Variants in CNTN4 observed in about 807,000 individuals in gnomAD.
The protein encoded by CNTN4 is contactin-4.
CNTN4 carries 77 observed loss-of-function variants against 122.5 expected under a neutral mutation model. That is an observed-to-expected ratio of 0.63 (90% CI 0.52 to 0.76). CNTN4 has a LOEUF of 0.76. CNTN4 is among the 30% of genes least tolerant of loss of function. CNTN4 has a pLI of 0.00. For synonymous variants in CNTN4, 512 were observed against 447.0 expected, an observed-to-expected ratio of 1.15 and a Z score of -1.83; for missense variants, 1,256 against 1,259.1, an observed-to-expected ratio of 1.00 and a Z score of 0.04.
At chr3:2,147,092 G>T (rs1209320093) in intron 2 of CNTN4, among the ~76,000 whole-genome samples, 2 of 152,040 alleles carry the variant, frequency 1.3e-5, no homozygotes, top group Non-Finnish European at 2.9e-5. Flanking sequence ...TATTGGCCAG[G>T]ATGGTCTTGA....
intron 23 of CNTN4, among the ~76,000 whole-genome samples, chr3:3,048,566 G>A (rs1700923773): frequency 6.6e-6 from 1 of 151,470 alleles, no homozygotes; most frequent in African/African-American, 2.4e-5. Flanking sequence ...GTGTATGTGT[G>A]GTACCTCCCG....
At chr3:3,010,373 G>A (rs1697104940) in intron 14 of CNTN4, among the ~76,000 whole-genome samples, 1 of 151,628 alleles carries the variant, frequency 6.6e-6, no homozygotes, top group African/African-American at 2.4e-5. Flanking sequence ...TAGGATTCAG[G>A]GTTTCTTATC....
At chr3:2,403,837 A>G (rs2046940049) in intron 3 of CNTN4, among the ~76,000 whole-genome samples, 1 of 152,122 alleles carries the variant, frequency 6.6e-6, no homozygotes, top group Admixed American at 6.5e-5. Context: ...CCTGAATTAG[A>G]TTTTAAGAGT....
At chr3:2,592,533 G>C (rs886155296) in intron 4 of CNTN4, among the ~76,000 whole-genome samples, 5 of 152,116 alleles carry the variant, frequency 3.3e-5, no homozygotes, top group Non-Finnish European at 7.3e-5. Flanking sequence ...TCTCATGATA[G>C]TGAATGGGTC....
intron 4 of CNTN4, among the ~76,000 whole-genome samples, chr3:2,722,151 A>G (rs1025395982): frequency 2.6e-5 from 4 of 152,238 alleles, no homozygotes; most frequent in Non-Finnish European, 5.9e-5. Context: ...TTAAAATTGC[A>G]GTGTTCTTCC....
intron 2 of CNTN4, among the ~76,000 whole-genome samples, chr3:2,220,248 A>T (rs1262808815): frequency 6.6e-6 from 1 of 152,162 alleles, no homozygotes. Flanking sequence ...TCCCTTCAGT[A>T]ATCATTCATC....
chr3:2,802,910 A>G (rs1483918968), intron 6 of CNTN4, among the ~76,000 whole-genome samples: 3 of 152,226 alleles, frequency 2.0e-5, no homozygotes, highest in African/African-American at 4.8e-5. Context: ...CAGGATAAAG[A>G]CGAGTTTCTT....
intron 6 of CNTN4, among the ~76,000 whole-genome samples, chr3:2,760,675 G>A (rs991608076): frequency 1.8e-4 from 28 of 152,120 alleles, no homozygotes; most frequent in African/African-American, 6.5e-4. Flanking sequence ...CATGAGCTAT[G>A]GACTCTATCC....
intron 13 of CNTN4, among the ~76,000 whole-genome samples, chr3:2,981,053 A>C (rs1404011590): frequency 6.6e-6 from 1 of 152,078 alleles, no homozygotes; most frequent in South Asian, 2.1e-4. Context: ...GCATTCACCC[A>C]TGCACGCTTC....
At position 2,954,614 on chromosome 3, in the gene CNTN4, G is replaced by C. The variant is rs6775502; in HGVS notation, c.1358+28835G>C. On this transcript the variant is annotated intron_variant, in intron 13 of 24. Transcript: ENST00000418658. ...GATTTTTCTCTCCCCCTTTCACTGA[G>C]GGGGAGGGCAGTTCATATATTGAAG... 9.1e-3 allele frequency among the ~76,000 whole-genome samples: 1,379 copies of C among 151,872 alleles called. 19 individuals are homozygous for C. Among genetic ancestry groups the C allele is most frequent in the African/African-American group, 0.032 (1,308 of 41,388 alleles).
chr3:2,359,382 G>C (rs569002588), intron 3 of CNTN4, among the ~76,000 whole-genome samples: 2 of 152,178 alleles, frequency 1.3e-5, no homozygotes, highest in African/African-American at 4.8e-5. Flanking sequence ...ATCTGGAATT[G>C]GTCTTGTATC....
chr3:2,748,375 G>C (rs985426291), intron 6 of CNTN4, among the ~76,000 whole-genome samples: 1 of 151,954 alleles, frequency 6.6e-6, no homozygotes, highest in African/African-American at 2.4e-5. Context: ...CATGTTCTGA[G>C]TAGTGACCCT....
chr3:3,044,127 A>G (rs1700406399), intron 23 of CNTN4, among the ~76,000 whole-genome samples: 1 of 152,224 alleles, frequency 6.6e-6, no homozygotes, highest in Admixed American at 6.5e-5. Flanking sequence ...TTATATAAAG[A>G]AAAAGAGAAA....
chr3:2,223,304 A>T (rs2039136050), intron 2 of CNTN4, among the ~76,000 whole-genome samples: 1 of 152,038 alleles, frequency 6.6e-6, no homozygotes, highest in Non-Finnish European at 1.5e-5. Context: ...CCCTTGGATT[A>T]CCTTTCTATC....
intron 2 of CNTN4, among the ~76,000 whole-genome samples, chr3:2,281,798 C>T (rs1023692016): frequency 1.4e-4 from 22 of 151,996 alleles, no homozygotes; most frequent in African/African-American, 4.6e-4. Context: ...TTTCTCTGCT[C>T]GTCTAGCATC....
At chr3:2,423,775 C>T (rs2047702033) in intron 3 of CNTN4, among the ~76,000 whole-genome samples, 1 of 151,896 alleles carries the variant, frequency 6.6e-6, no homozygotes, top group South Asian at 2.1e-4. Context: ...ACAAAACCTC[C>T]TACTGGGTAG....
At chr3:2,458,696 A>G (rs1175790186) in intron 3 of CNTN4, among the ~76,000 whole-genome samples, 1 of 152,110 alleles carries the variant, frequency 6.6e-6, no homozygotes, top group Admixed American at 6.6e-5. Flanking sequence ...AGACAAGCCA[A>G]ATGGTTGTCT....
chr3:2,591,651 A>T (rs2080498013), intron 4 of CNTN4, among the ~76,000 whole-genome samples: 1 of 51,682 alleles, frequency 1.9e-5, no homozygotes, highest in Admixed American at 1.5e-4. Flanking sequence ...GGCGTGAGCC[A>T]CCGCGCCCGG....
At chr3:2,209,171 T>A (rs542047195) in intron 2 of CNTN4, among the ~76,000 whole-genome samples, 2 of 152,292 alleles carry the variant, frequency 1.3e-5, no homozygotes, top group Admixed American at 1.3e-4. Flanking sequence ...TCCTTCTATT[T>A]GTGGCCCACT....
Sources: gnomAD v4.1 joint callset for allele counts (sites outside exome capture counted in the v4.1 genomes callset) on GRCh38, gnomAD v4.1.1 for gene constraint, MANE v1.5 for transcripts, NCBI Gene and HGNC (gene_info 2026-07-23, HGNC 2026-07-21) for gene names.